Variants in MAPT observed in about 807,000 individuals in gnomAD.
MAPT encodes microtubule associated protein tau.
A neutral mutation model predicts 67.9 loss-of-function variants in MAPT; 34 were observed. The ratio of observed to expected loss-of-function variants is 0.50; its 90% CI spans 0.38 to 0.67. MAPT has a LOEUF of 0.67. Ranked by LOEUF, MAPT falls within the 30% of genes least tolerant of loss-of-function variation. MAPT has a pLI of 0.00. For synonymous variants in MAPT, 456 were observed against 464.5 expected (o/e 0.98, Z 0.23); for missense variants, 881 against 1,115.2 (o/e 0.79, Z 2.99).
At position 46,025,471 on chromosome 17, in the gene MAPT, A is replaced by AAATT. The variant is rs2076767415; in HGVS notation, c.*1303_*1306dup. 1 of 152,656 alleles carries AAATT rather than the reference A, an allele frequency of 6.6e-6. No individual in the cohort carries two copies. The highest frequency in any genetic ancestry group is 2.1e-4 in the South Asian group (1 of 4,818). 9.5% of individuals were successfully genotyped at this position (152,656 alleles called of 1,614,324 possible). ...AGGTACCTACTCCATACTGAGGGTGAAATTAAGGGAAGGCAAAGTCCAGGC... is the reference window on the plus strand; with the variant it reads ...AGGTACCTACTCCATACTGAGGGTGAAATTAATTAAGGGAAGGCAAAGTCCAGGC... On this transcript the variant is annotated 3_prime_UTR_variant, in exon 13 of 13. Transcript: ENST00000262410.
At chr17:46,016,931 G>A (rs1350932123) in intron 11 of MAPT, among the ~76,000 whole-genome samples, 2 of 152,146 alleles carry the variant, frequency 1.3e-5, no homozygotes, top group African/African-American at 4.8e-5. Flanking sequence ...CATATCGGAC[G>A]ACACAGCTAT....
At chr17:45,986,244 T>C (rs1039501738) in intron 5 of MAPT, among the ~76,000 whole-genome samples, 52 of 152,206 alleles carry the variant, frequency 3.4e-4, no homozygotes, top group African/African-American at 1.2e-3. Flanking sequence ...GGGCTGGGCT[T>C]GGCTCGTCTC....
chr17:45,910,666 TAAAAAAAA>T (rs374350382), intron 1 of MAPT: 1 of 132,734 alleles, frequency 7.5e-6, no homozygotes, highest in Non-Finnish European at 1.6e-5. Context: ...GCTTTTTCCT[TAAAAAAAA>T]AAAAAAAAAA....
Position 45,971,994 on chromosome 17 carries a change from C to A in MAPT, c.220+49C>A. 1 of 1,460,310 alleles carries A rather than the reference C, an allele frequency of 6.8e-7. No homozygotes were observed. Among genetic ancestry groups the A allele is most frequent in the Non-Finnish European group, 9.6e-7 (1 of 1,041,638 alleles). The allele number at this position is 1,460,310 out of a possible 1,614,324, so 90.5% of individuals were successfully genotyped here. Reference sequence around the variant, plus strand: ...CTCCATGCCTCCAGCCTGTGCTTAGCCGTGCTTTGAGCCTCCCTCCTGGCT... The same window carrying A: ...CTCCATGCCTCCAGCCTGTGCTTAGACGTGCTTTGAGCCTCCCTCCTGGCT... On this transcript the variant is annotated intron_variant, in intron 3 of 12. Transcript: ENST00000262410. This position sits in a 1 kb window ranked among gnomAD's most constrained non-coding sequence, Gnocchi z 4.3.
At chr17:45,972,503 C>G (rs1277748860) in intron 3 of MAPT, among the ~76,000 whole-genome samples, 1 of 152,232 alleles carries the variant, frequency 6.6e-6, no homozygotes, top group East Asian at 1.9e-4. Context: ...TTTTGACCAT[C>G]TTCTCTTGCT....
In MAPT at chr17:45,971,756, C is replaced by A; in HGVS notation, c.134-103C>A. ...GTGTTCCAGCTGTTTCCACAGGGAG[C>A]GATTTTCAGCTCCACAGGACACTGC... On this transcript the variant is annotated intron_variant, in intron 2 of 12. Coordinates refer to ENST00000262410, the MANE Select transcript of MAPT (RefSeq NM_001377265.1). This position sits in a 1 kb window ranked among gnomAD's most constrained non-coding sequence, Gnocchi z 4.3. 2.3e-6 allele frequency: 2 copies of A among 852,580 alleles called. No homozygotes were observed. The highest frequency in any genetic ancestry group is 4.0e-6 in the Non-Finnish European group (2 of 501,156). The allele number at this position is 852,580 out of a possible 1,614,324, so 52.8% of individuals were successfully genotyped here.
At chr17:45,904,283 T>A (rs2064082044) in intron 1 of MAPT, among the ~76,000 whole-genome samples, 3 of 47,458 alleles carry the variant, frequency 6.3e-5, no homozygotes, top group Non-Finnish European at 1.3e-4. Flanking sequence ...TTTATATATA[T>A]AATATGTATA....
Position 45,996,658 on chromosome 17 carries a change from C to T in MAPT, c.1992C>T (p.Gly664=), listed in dbSNP as rs777340451. The T allele has an allele frequency of 1.4e-5, 22 of 1,613,616 alleles. No homozygotes were observed. Among genetic ancestry groups the T allele is most frequent in the Middle Eastern group, 1.6e-4 (1 of 6,062 alleles). ...AGAACCTGAAGCACCAGCCGGGAGG[C>T]GGGAAGGTGAGAGTGGCTGGCTGCG... is the stretch of plus-strand genomic sequence containing the variant. ...STENLKHQPG[G]GKVQIINKKL... Residue 664 remains glycine, a synonymous_variant, in exon 9 of 13, where the codon GGC becomes GGT. Transcript: ENST00000262410. The surrounding 1 kb of genome is among the most constrained non-coding windows in gnomAD (Gnocchi z 4.5).
intron 2 of MAPT, among the ~76,000 whole-genome samples, chr17:45,967,533 C>T (rs2145399322): frequency 6.6e-6 from 1 of 152,336 alleles, no homozygotes; most frequent in African/African-American, 2.4e-5. Flanking sequence ...TATGTTCATG[C>T]TGGAAGCTTG....
intron 1 of MAPT, among the ~76,000 whole-genome samples, chr17:45,942,210 A>G (rs571811840): frequency 6.6e-6 from 1 of 152,348 alleles, no homozygotes; most frequent in African/African-American, 2.4e-5. Context: ...GACTACACAT[A>G]TATGTATTCT....
Position 46,002,606 on chromosome 17 carries a change from AG to A in MAPT, c.1998+5943del, listed in dbSNP as rs1298769709. 1.2e-4 allele frequency among the ~76,000 whole-genome samples: 19 copies of A among 152,280 alleles called. No homozygotes were observed. In the East Asian group the frequency reaches 3.5e-3, roughly 28 times the overall value. On this transcript the variant is annotated intron_variant, in intron 9 of 12. Transcript: ENST00000262410. ...CAATAGTTGGGATGTGAAGACGTGA[AG>A]CAGCACAGAGCCTGGAAGCCCAGGA... is the stretch of plus-strand genomic sequence containing the variant.
At chr17:46,022,302 T>C (rs11652638) in intron 12 of MAPT, among the ~76,000 whole-genome samples, 138,268 of 149,926 alleles carry the variant, frequency 0.92, 63,956 homozygotes, top group East Asian at 1. Context: ...TGCAGTGAGC[T>C]GAGATCGTGC....
chr17:45,928,173 C>G (rs1054664351), intron 1 of MAPT, among the ~76,000 whole-genome samples: 4 of 152,272 alleles, frequency 2.6e-5, no homozygotes, highest in Non-Finnish European at 4.4e-5. Flanking sequence ...AAACAAGATC[C>G]CAAATTCTTG....
chr17:46,001,065 C>T (rs2074959156), intron 9 of MAPT, among the ~76,000 whole-genome samples: 1 of 151,932 alleles, frequency 6.6e-6, no homozygotes, highest in African/African-American at 2.4e-5. Context: ...CCTGTCTCTA[C>T]AATTTTTTTT....
intron 9 of MAPT, among the ~76,000 whole-genome samples, chr17:45,998,980 TC>T (rs1326230329): frequency 1.3e-5 from 2 of 152,088 alleles, no homozygotes; most frequent in Non-Finnish European, 2.9e-5. Flanking sequence ...ATCCAGGATC[TC>T]CTCAAGTCAC....
intron 6 of MAPT, among the ~76,000 whole-genome samples, chr17:45,989,269 G>A (rs551149200): frequency 1.3e-5 from 2 of 152,266 alleles, no homozygotes; most frequent in East Asian, 1.9e-4. Flanking sequence ...TAAACCAGTC[G>A]TCTCCAAATT....
rs2076725698 is a variant in MAPT, at chr17:46,024,578, T to G, written c.*407T>G. On this transcript the variant is annotated 3_prime_UTR_variant, in exon 13 of 13. Coordinates refer to ENST00000262410, the MANE Select transcript of MAPT (RefSeq NM_001377265.1). ...GGGTGCCAACCACCTCTGGCCCTGTTGTGGGGGTGTCACAGAGGCAGTGGC... is the reference window on the plus strand; with the variant it reads ...GGGTGCCAACCACCTCTGGCCCTGTGGTGGGGGTGTCACAGAGGCAGTGGC... 3.2e-6 allele frequency: 1 copy of G among 311,608 alleles called. No homozygotes were observed. Among genetic ancestry groups the G allele is most frequent in the South Asian group, 3.0e-5 (1 of 32,946 alleles). The allele number at this position is 311,608 out of a possible 1,614,324, so 19.3% of individuals were successfully genotyped here. A position where few individuals can be genotyped will look rare whatever the true frequency, so the allele number is the denominator to read the frequency against.
chr17:46,017,834 A>G (rs1246168826), intron 11 of MAPT, among the ~76,000 whole-genome samples: 1 of 149,536 alleles, frequency 6.7e-6, no homozygotes, highest in Admixed American at 6.7e-5. Context: ...GGTTTACAGG[A>G]TGTTGATATA....
At chr17:46,015,434 C>T (rs1320604436) in intron 11 of MAPT, among the ~76,000 whole-genome samples, 2 of 151,436 alleles carry the variant, frequency 1.3e-5, no homozygotes, top group African/African-American at 2.4e-5. Flanking sequence ...CCGAGGCGAG[C>T]GGATCACAAG....
Sources: allele counts gnomAD v4.1 joint callset (sites outside exome capture counted in the v4.1 genomes callset), GRCh38; gene constraint gnomAD v4.1.1; non-coding constraint Gnocchi (gnomAD v3.1); transcripts MANE v1.5; gene names NCBI Gene and HGNC (gene_info 2026-07-23, HGNC 2026-07-21).